Variants in NETO2 observed in about 807,000 individuals in gnomAD.
NETO2 encodes the protein neuropilin and tolloid-like protein 2.
Under a neutral mutation model 62.5 loss-of-function variants are expected in NETO2, and 28 were observed. The observed-to-expected ratio is 0.45, with a 90% CI of 0.33 to 0.61. NETO2 has a LOEUF of 0.61. Ranked by LOEUF, NETO2 falls within the 20% of genes least tolerant of loss-of-function variation. The probability of loss-of-function intolerance (pLI) is 0.02; values close to 1 mark genes in which losing one functional copy is unlikely to be tolerated. For missense variants in NETO2, 548 were observed against 643.2 expected (o/e 0.85, Z 1.60); for synonymous variants, 214 against 219.1 (o/e 0.98, Z 0.21).
intron 7 of NETO2, among the ~76,000 whole-genome samples, chr16:47,098,951 G>T (rs189956377): frequency 8.5e-5 from 13 of 152,204 alleles, no homozygotes; most frequent in Admixed American, 7.8e-4. Flanking sequence ...TGCCTCCTGG[G>T]TTCAATGGGT....
chr16:47,135,088 T>C (rs1324151159), intron 1 of NETO2, among the ~76,000 whole-genome samples: 1 of 152,232 alleles, frequency 6.6e-6, no homozygotes, highest in Non-Finnish European at 1.5e-5. Flanking sequence ...ATACAGTTTT[T>C]GGTAATACAG....
In NETO2 at chr16:47,136,540, G is replaced by GGACT. The variant is rs543082007; in HGVS notation, c.35-4519_35-4516dup. Among the ~76,000 whole-genome samples, 442 of 152,184 alleles carry GGACT rather than the reference G, an allele frequency of 2.9e-3. 1 individual carries two copies. Among genetic ancestry groups the GGACT allele is most frequent in the Admixed American group, 5.6e-3 (85 of 15,282 alleles). ...CGTACCTCAGTTTCCTGAGTAGCTG[G>GGACT]GACTACAGGCATGCGCCACCACGGC... On this transcript the variant is annotated intron_variant, in intron 1 of 8. Transcript: ENST00000562435.
chr16:47,120,929 G>A (rs1964026433), intron 6 of NETO2, among the ~76,000 whole-genome samples: 1 of 151,500 alleles, frequency 6.6e-6, no homozygotes, highest in African/African-American at 2.4e-5. Context: ...TGTCAGATAG[G>A]CAATGTGCCG....
chr16:47,100,707 A>C (rs1002302527), intron 7 of NETO2, among the ~76,000 whole-genome samples: 5 of 152,212 alleles, frequency 3.3e-5, no homozygotes, highest in Non-Finnish European at 5.9e-5. Flanking sequence ...ATATAGAAGA[A>C]ATGGATAAAT....
intron 4 of NETO2, among the ~76,000 whole-genome samples, chr16:47,127,426 T>C (rs1474494858): frequency 3.3e-5 from 5 of 152,166 alleles, no homozygotes; most frequent in Non-Finnish European, 7.3e-5. Context: ...CACTTATATA[T>C]GTATCTATAC....
At chr16:47,093,802 T>G (rs1205555682) in intron 7 of NETO2, among the ~76,000 whole-genome samples, 2 of 152,244 alleles carry the variant, frequency 1.3e-5, no homozygotes, top group Non-Finnish European at 2.9e-5. Context: ...GAAAAACTAT[T>G]AATTTTCAAA....
chr16:47,115,697 T>TTATATATATATATA (rs1261414157), intron 6 of NETO2, among the ~76,000 whole-genome samples: 1 of 117,874 alleles, frequency 8.5e-6, no homozygotes, highest in African/African-American at 5.0e-5. Flanking sequence ...CGGCTAATTT[T>TTATATATATATATA]TATATATATA....
chr16:47,122,839 C>T, intron 5 of NETO2, 29 bp downstream of exon 5: 1 of 1,613,682 alleles, frequency 6.2e-7, no homozygotes, highest in Non-Finnish European at 8.5e-7. Context: ...TCAAAAATGC[C>T]AAGAGGAACA....
At chr16:47,113,384 T>C (rs1963841740) in intron 6 of NETO2, among the ~76,000 whole-genome samples, 1 of 152,198 alleles carries the variant, frequency 6.6e-6, no homozygotes, top group Non-Finnish European at 1.5e-5. Flanking sequence ...CCAGTCTTCA[T>C]CCCTGGTAAG....
intron 7 of NETO2, among the ~76,000 whole-genome samples, chr16:47,099,091 C>CTCGT (rs1156569265): frequency 6.6e-6 from 1 of 152,120 alleles, no homozygotes; most frequent in Non-Finnish European, 1.5e-5. Flanking sequence ...AACTCCTGAC[C>CTCGT]TCGTGATCCA....
intron 6 of NETO2, among the ~76,000 whole-genome samples, chr16:47,115,819 C>T (rs1002140707): frequency 1.3e-5 from 2 of 150,016 alleles, no homozygotes; most frequent in African/African-American, 4.9e-5. Context: ...AATCCACCTG[C>T]CTTGGTCTCC....
At position 47,121,441 on chromosome 16, in the gene NETO2, C is replaced by T. The variant is rs1964038083; in HGVS notation, c.654+1216G>A. ...TTCTGTCAGTCTTTGGACTTCATGA[C>T]TCCTGGGTTGAGCAGGGAATGTAAA... On this transcript the variant is annotated intron_variant, in intron 6 of 8. Transcript: ENST00000562435. 2.6e-5 allele frequency among the ~76,000 whole-genome samples: 4 copies of T among 152,196 alleles called. No individual in the cohort carries two copies. The South Asian group carries it at 8.3e-4, about 32-fold the overall frequency.
At chr16:47,093,970 C>T (rs1963371720) in intron 7 of NETO2, among the ~76,000 whole-genome samples, 1 of 152,144 alleles carries the variant, frequency 6.6e-6, no homozygotes, top group Non-Finnish European at 1.5e-5. Context: ...AGATATACCA[C>T]TTATAATTTT....
intron 7 of NETO2, among the ~76,000 whole-genome samples, chr16:47,108,024 C>T (rs1429977265): frequency 1.3e-5 from 2 of 152,084 alleles, no homozygotes; most frequent in Admixed American, 6.6e-5. Flanking sequence ...TGATCTGCCG[C>T]CTCGGCCTCC....
At chr16:47,086,420 A>G (rs1963191597) in intron 7 of NETO2, 81 bp from the exon 8 acceptor site, 2 of 896,966 alleles carry the variant, frequency 2.2e-6, no homozygotes, top group East Asian at 2.5e-5. Flanking sequence ...TGACTTTATA[A>G]GAGTACTTTC....
intron 7 of NETO2, among the ~76,000 whole-genome samples, chr16:47,095,486 A>G (rs1025183059): frequency 6.6e-6 from 1 of 152,222 alleles, no homozygotes; most frequent in Non-Finnish European, 1.5e-5. Context: ...AGTTGAAAGT[A>G]AAAGGATGGA....
intron 7 of NETO2, among the ~76,000 whole-genome samples, chr16:47,108,977 ATACTAC>A (rs968089323): frequency 3.9e-5 from 6 of 152,244 alleles, no homozygotes; most frequent in South Asian, 2.1e-4. Context: ...AGCTAAATTA[ATACTAC>A]TACTAAGTTA....
intron 4 of NETO2, 23 bp downstream of exon 4, chr16:47,128,302 T>C: frequency 6.2e-7 from 1 of 1,605,538 alleles, no homozygotes; most frequent in Non-Finnish European, 8.5e-7. Flanking sequence ...GCCCAACCAC[T>C]TAAAAGATAA....
At chr16:47,125,594 C>T (rs1964141762) in intron 4 of NETO2, among the ~76,000 whole-genome samples, 1 of 152,192 alleles carries the variant, frequency 6.6e-6, no homozygotes, top group Non-Finnish European at 1.5e-5. Flanking sequence ...GATCCACCCA[C>T]CTCAGCCTCC....
Sources: allele counts gnomAD v4.1 joint callset (sites outside exome capture counted in the v4.1 genomes callset), GRCh38; gene constraint gnomAD v4.1.1; transcripts MANE v1.5; gene names NCBI Gene and HGNC (gene_info 2026-07-23, HGNC 2026-07-21).